Variants in LGR5 observed in about 807,000 individuals in gnomAD.
LGR5 encodes leucine rich repeat containing G protein-coupled receptor 5.
LGR5 carries 54 observed loss-of-function variants against 76.7 expected under a neutral mutation model. That is an observed-to-expected ratio of 0.70 (90% CI 0.57 to 0.88). The LOEUF (loss-of-function observed/expected upper bound fraction) is 0.88. Among genes scored for constraint, LGR5 ranks in the 40% least tolerant of loss-of-function variants. The pLI is 0.00. For missense variants in LGR5, 1,078 were observed against 1,073.3 expected, an observed-to-expected ratio of 1.00 and a Z score of -0.06; for synonymous variants, 406 against 421.9, an observed-to-expected ratio of 0.96 and a Z score of 0.46.
chr12:71,536,424 A>G (rs1469956852), intron 4 of LGR5, among the ~76,000 whole-genome samples: 1 of 152,224 alleles, frequency 6.6e-6, no homozygotes, highest in African/African-American at 2.4e-5. Context: ...GGTTTTCACC[A>G]GCCTATAGAT....
chr12:71,441,392 T>C (rs1871761864), intron 1 of LGR5: 2 of 152,180 alleles, frequency 1.3e-5, no homozygotes, highest in East Asian at 3.9e-4. Flanking sequence ...GTGAAACATT[T>C]AGGTTTTAGA....
At chr12:71,558,162 C>T (rs1877870174) in intron 6 of LGR5, among the ~76,000 whole-genome samples, 1 of 152,178 alleles carries the variant, frequency 6.6e-6, no homozygotes, top group Admixed American at 6.5e-5. Context: ...TTCCCATCAG[C>T]TGCTAGGAAA....
chr12:71,455,805 T>A (rs1307259350), intron 1 of LGR5, among the ~76,000 whole-genome samples: 2 of 152,154 alleles, frequency 1.3e-5, no homozygotes, highest in Non-Finnish European at 1.5e-5. Flanking sequence ...ACACAAAAAA[T>A]TATACAAAAA....
chr12:71,440,426 C>A lies in LGR5; in HGVS notation c.212+134C>A. On this transcript the variant is annotated intron_variant, in intron 1 of 17. Transcript: ENST00000266674. This position sits in a 1 kb window ranked among gnomAD's most constrained non-coding sequence, Gnocchi z 5.3. ...GGCGAGTTTGTCAAGGGCATCCTGG[C>A]CAGGCCTGTTAGGGCCCCCAGAGAA... 2.4e-6 allele frequency: 2 copies of A among 817,126 alleles called. No individual in the cohort carries two copies. The highest frequency in any genetic ancestry group is 4.0e-6 in the Non-Finnish European group (2 of 500,718). The allele number at this position is 817,126 out of a possible 1,614,324, so 50.6% of individuals were successfully genotyped here.
rs188466383 is a variant in LGR5 at position 71,502,035 on chromosome 12, T to G, written c.213-2579T>G. 1.6e-4 allele frequency among the ~76,000 whole-genome samples: 25 copies of G among 152,326 alleles called. 1 individual carries two copies. In the East Asian group the frequency reaches 4.6e-3, roughly 28 times the overall value. ...TTTTCTGCTACAAGTTTATATGAAC[T>G]GCTAGAGGCTTTTTAAAAGAAAACA... is the stretch of plus-strand genomic sequence containing the variant. On this transcript the variant is annotated intron_variant, in intron 1 of 17. Coordinates refer to ENST00000266674, the MANE Select transcript of LGR5 (RefSeq NM_003667.4).
At chr12:71,511,964 G>A (rs905078084) in intron 2 of LGR5, among the ~76,000 whole-genome samples, 2 of 151,718 alleles carry the variant, frequency 1.3e-5, no homozygotes, top group Non-Finnish European at 2.9e-5. Context: ...GTCTCATTTG[G>A]GTAACTCGTT....
intron 15 of LGR5, among the ~76,000 whole-genome samples, chr12:71,579,308 A>T (rs900158752): frequency 2.0e-5 from 3 of 152,230 alleles, no homozygotes; most frequent in Admixed American, 6.5e-5. Flanking sequence ...TACTAAATTA[A>T]TATTTGTTTG....
intron 1 of LGR5, among the ~76,000 whole-genome samples, chr12:71,469,533 G>A (rs1478288355): frequency 6.6e-6 from 1 of 152,238 alleles, no homozygotes; most frequent in Non-Finnish European, 1.5e-5. Context: ...CATTTCCCTG[G>A]GCCGCTGACA....
At chr12:71,508,263 C>T (rs1380234607) in intron 2 of LGR5, among the ~76,000 whole-genome samples, 2 of 151,916 alleles carry the variant, frequency 1.3e-5, no homozygotes, top group African/African-American at 4.8e-5. Flanking sequence ...AATAAAGCCA[C>T]ATTATCACTC....
intron 1 of LGR5, among the ~76,000 whole-genome samples, chr12:71,464,201 T>G (rs1872776654): frequency 6.6e-6 from 1 of 152,214 alleles, no homozygotes; most frequent in South Asian, 2.1e-4. Context: ...AGGAAGACTC[T>G]AAAGAGACAG....
intron 1 of LGR5, among the ~76,000 whole-genome samples, chr12:71,492,916 A>C (rs1019958125): frequency 6.6e-6 from 1 of 151,256 alleles, no homozygotes; most frequent in African/African-American, 2.5e-5. Flanking sequence ...TTCTCTAAAA[A>C]TGTTCAACCA....
At chr12:71,502,439 C>G (rs529680995) in intron 1 of LGR5, among the ~76,000 whole-genome samples, 1 of 151,948 alleles carries the variant, frequency 6.6e-6, no homozygotes, top group Non-Finnish European at 1.5e-5. Flanking sequence ...CTCGGGTGAC[C>G]CACCTGCCTC....
chr12:71,512,665 G>T (rs1020601210), intron 2 of LGR5, among the ~76,000 whole-genome samples: 4 of 152,180 alleles, frequency 2.6e-5, no homozygotes, highest in African/African-American at 7.2e-5. Context: ...TAAAGGGGAG[G>T]TCTAAAGATG....
chr12:71,487,625 C>A (rs1361871969), intron 1 of LGR5, among the ~76,000 whole-genome samples: 1 of 152,140 alleles, frequency 6.6e-6, no homozygotes, highest in African/African-American at 2.4e-5. Context: ...GTTGCCCAGG[C>A]TCATCTCTAA....
intron 1 of LGR5, among the ~76,000 whole-genome samples, chr12:71,464,424 T>A (rs1156939781): frequency 1.3e-5 from 2 of 152,176 alleles, no homozygotes; most frequent in African/African-American, 4.8e-5. Flanking sequence ...ACAATCTGGT[T>A]AGGGGTATCT....
At chr12:71,441,440 G>C (rs1328680155) in intron 1 of LGR5, 1 of 152,266 alleles carries the variant, frequency 6.6e-6, no homozygotes, top group Non-Finnish European at 1.5e-5. Flanking sequence ...AGCCCATGCA[G>C]TCCCAGTTTT....
In LGR5 at chr12:71,553,221, T is replaced by A; in HGVS notation, c.577T>A (p.Leu193Met). 1 of 1,614,028 alleles carries A rather than the reference T, an allele frequency of 6.2e-7. No individual in the cohort carries two copies. Among genetic ancestry groups the A allele is most frequent in the Non-Finnish European group, 8.5e-7 (1 of 1,180,002 alleles). ...RSLSALQAMT[L>M]ALNKIHHIPD... The stretch of plus-strand genomic sequence containing the variant: ...TTTATCGGCATTGCAAGCCATGACC[T>A]TGGCCCTGAACAAAATACACCACAT... Residue 193 changes from leucine to methionine, a missense_variant, in exon 5 of 18, where the codon TTG becomes ATG. Coordinates refer to ENST00000266674, the MANE Select transcript of LGR5 (RefSeq NM_003667.4).
In LGR5 at chr12:71,572,931, A is replaced by T; in HGVS notation, c.1208+10A>T. ...TTAGCCTCCGATCGCTGTGAGTATC[A>T]CCTCCCAGTGCGTTCCCCAGCACAG... On this transcript the variant is annotated intron_variant, in intron 13 of 17. Coordinates refer to ENST00000266674, the MANE Select transcript of LGR5 (RefSeq NM_003667.4). 1 of 1,603,522 alleles carries T rather than the reference A, an allele frequency of 6.2e-7. No homozygotes were observed. Among genetic ancestry groups the T allele is most frequent in the Non-Finnish European group, 8.5e-7 (1 of 1,170,564 alleles).
At chr12:71,457,333 T>G (rs763868020) in intron 1 of LGR5, among the ~76,000 whole-genome samples, 4 of 152,198 alleles carry the variant, frequency 2.6e-5, no homozygotes, top group Non-Finnish European at 4.4e-5. Context: ...GAGATTTTAC[T>G]GTTGCATTCT....
Sources: allele counts gnomAD v4.1 joint callset (sites outside exome capture counted in the v4.1 genomes callset), GRCh38; gene constraint gnomAD v4.1.1; non-coding constraint Gnocchi (gnomAD v3.1); transcripts MANE v1.5; gene names NCBI Gene and HGNC (gene_info 2026-07-23, HGNC 2026-07-21).